The following RBFOX1 variants were observed in gnomAD, a reference collection of about 807,000 sequenced individuals.
RBFOX1 encodes the protein RNA binding fox-1 homolog 1.
RBFOX1 carries 8 observed loss-of-function variants against 57.7 expected under a neutral mutation model. The observed-to-expected ratio is 0.14, with a 90% CI of 0.08 to 0.25. The LOEUF (loss-of-function observed/expected upper bound fraction) is 0.25, where lower values mean the gene tolerates loss of function less well. Among genes scored for constraint, RBFOX1 ranks in the 10% least tolerant of loss-of-function variants. The pLI is 1.00. For synonymous variants in RBFOX1, 326 were observed against 222.4 expected, an observed-to-expected ratio of 1.47 and a Z score of -4.15; for missense variants, 611 against 548.5, an observed-to-expected ratio of 1.11 and a Z score of -1.14.
At chr16:6,218,336 T>A (rs2097349701) in intron 1 of RBFOX1, among the ~76,000 whole-genome samples, 2 of 152,118 alleles carry the variant, frequency 1.3e-5, no homozygotes, top group Admixed American at 1.3e-4. Flanking sequence ...TGAGACACAG[T>A]CTCACTCTAT....
At chr16:7,209,648 C>A (rs1345019784) in intron 4 of RBFOX1, among the ~76,000 whole-genome samples, 1 of 152,166 alleles carries the variant, frequency 6.6e-6, no homozygotes, top group Admixed American at 6.5e-5. Flanking sequence ...TTTTTGAGCA[C>A]TTAAGTCGCA....
intron 3 of RBFOX1, among the ~76,000 whole-genome samples, chr16:5,829,351 T>C (rs2056185775): frequency 6.6e-6 from 1 of 152,176 alleles, no homozygotes; most frequent in Non-Finnish European, 1.5e-5. Context: ...AAAGATCATC[T>C]TGATGACTGC....
At chr16:6,999,539 A>C (rs1349276587) in intron 3 of RBFOX1, among the ~76,000 whole-genome samples, 1 of 151,922 alleles carries the variant, frequency 6.6e-6, no homozygotes, top group Non-Finnish European at 1.5e-5. Context: ...GAAAAATTTC[A>C]AAAAAACACA....
rs561516691 is a variant in RBFOX1, at chr16:5,408,609, C to G, written c.220-58607C>G. 3.3e-5 allele frequency among the ~76,000 whole-genome samples: 5 copies of G among 152,334 alleles called. No homozygotes were observed. The East Asian group carries it at 9.6e-4, about 29-fold the overall frequency. On this transcript the variant is annotated intron_variant, in intron 1 of 2. Coordinates refer to the RBFOX1 transcript ENST00000585867. ...TGGCTGCTGTATTAGGCCGTTCTTG[C>G]ATTGCCATAAGAAGTATCTGAGACT... is the stretch of plus-strand genomic sequence containing the variant.
chr16:7,031,813 C>T (rs965612301), intron 3 of RBFOX1, among the ~76,000 whole-genome samples: 4 of 152,176 alleles, frequency 2.6e-5, no homozygotes, highest in African/African-American at 4.8e-5. Flanking sequence ...TGGGGCCTGG[C>T]TCACATGTAA....
chr16:7,271,236 C>G (rs1180502658), intron 4 of RBFOX1, among the ~76,000 whole-genome samples: 1 of 152,020 alleles, frequency 6.6e-6, no homozygotes, highest in Non-Finnish European at 1.5e-5. Context: ...TTTGTCTACA[C>G]GTGTTTCCTA....
intron 3 of RBFOX1, among the ~76,000 whole-genome samples, chr16:5,617,662 G>T (rs115147662): frequency 6.6e-6 from 1 of 152,282 alleles, no homozygotes; most frequent in African/African-American, 2.4e-5. Flanking sequence ...AAAATGAGTT[G>T]TTTCTGAGGA....
chr16:7,486,632 G>C (rs1447021887), intron 4 of RBFOX1, among the ~76,000 whole-genome samples: 2 of 152,118 alleles, frequency 1.3e-5, no homozygotes, highest in African/African-American at 2.4e-5. Context: ...CACATGACGA[G>C]CTCATTTAAT....
At chr16:6,032,427 C>A (rs1375028487) in intron 1 of RBFOX1, among the ~76,000 whole-genome samples, 1 of 152,074 alleles carries the variant, frequency 6.6e-6, no homozygotes, top group East Asian at 1.9e-4. Context: ...GATTGCTTCA[C>A]TGAAAGAAAG....
At chr16:7,578,692 T>C (rs1255020085) in intron 5 of RBFOX1, among the ~76,000 whole-genome samples, 2 of 152,240 alleles carry the variant, frequency 1.3e-5, no homozygotes, top group Non-Finnish European at 2.9e-5. Context: ...GATAGGCTTC[T>C]GTGTAAGCTT....
intron 1 of RBFOX1, among the ~76,000 whole-genome samples, chr16:5,424,994 T>TTTCTTTCTTTCTTTC (rs58404221): frequency 1.4e-4 from 13 of 89,656 alleles, no homozygotes; most frequent in East Asian, 7.5e-4. Context: ...TTTTCTTTTC[T>TTTCTTTCTTTCTTTC]TTTCTTTTCT....
chr16:7,425,394 C>T (rs544125002), intron 4 of RBFOX1, among the ~76,000 whole-genome samples: 21 of 152,206 alleles, frequency 1.4e-4, no homozygotes, highest in Non-Finnish European at 2.6e-4. Flanking sequence ...ATTTTTCCCT[C>T]AACCGGATCA....
intron 4 of RBFOX1, among the ~76,000 whole-genome samples, chr16:7,211,852 C>G: frequency 6.6e-6 from 1 of 152,218 alleles, no homozygotes; most frequent in Non-Finnish European, 1.5e-5. Context: ...GTGGTTGCAG[C>G]GTTTCCTAAT....
intron 3 of RBFOX1, among the ~76,000 whole-genome samples, chr16:5,646,695 C>T (rs975171274): frequency 1.3e-5 from 2 of 152,000 alleles, no homozygotes; most frequent in African/African-American, 2.4e-5. Context: ...AGTGCTTTGG[C>T]GTGATCTCTG....
intron 1 of RBFOX1, among the ~76,000 whole-genome samples, chr16:5,426,211 G>A (rs1397833021): frequency 1.3e-5 from 2 of 152,176 alleles, no homozygotes; most frequent in African/African-American, 4.8e-5. Context: ...GTTTGGACTT[G>A]TGTGGAGTGG....
In RBFOX1 at chr16:7,213,404, C is replaced by G. The variant is rs192945352; in HGVS notation, c.27+161306C>G. Among the ~76,000 whole-genome samples the G allele has an allele frequency of 1.1e-3, 164 of 152,222 alleles. 1 individual carries two copies. The highest frequency in any genetic ancestry group is 9.7e-3 in the Admixed American group (148 of 15,294). On this transcript the variant is annotated intron_variant, in intron 4 of 15. Transcript: ENST00000550418. ...TTTAAGTTCCCAGTGTAATAGGCAG[C>G]CAGAGTTGAGAACCATTGCCTGACA...
chr16:7,697,143 A>G (rs1015417674), intron 14 of RBFOX1, among the ~76,000 whole-genome samples: 1 of 152,186 alleles, frequency 6.6e-6, no homozygotes, highest in African/African-American at 2.4e-5. Flanking sequence ...AGAACAGAAG[A>G]AACAGCACCG....
At chr16:7,140,702 G>A (rs1262209883) in intron 4 of RBFOX1, among the ~76,000 whole-genome samples, 1 of 152,114 alleles carries the variant, frequency 6.6e-6, no homozygotes, top group Non-Finnish European at 1.5e-5. Flanking sequence ...GTGATATCCT[G>A]TGCAATAATT....
chr16:6,835,785 T>C (rs1293901362), intron 3 of RBFOX1, among the ~76,000 whole-genome samples: 1 of 146,074 alleles, frequency 6.8e-6, no homozygotes, highest in Non-Finnish European at 1.5e-5. Flanking sequence ...AAAAAAAGTT[T>C]GTATCATGTG....
Sources: gnomAD v4.1 joint callset for allele counts (sites outside exome capture counted in the v4.1 genomes callset) on GRCh38, gnomAD v4.1.1 for gene constraint, MANE v1.5 for transcripts, NCBI Gene and HGNC (gene_info 2026-07-23, HGNC 2026-07-21) for gene names.